Variants in TJP2 observed in about 807,000 individuals in gnomAD.
TJP2 encodes tight junction protein 2.
A neutral mutation model predicts 133.1 loss-of-function variants in TJP2; 91 were observed. That is an observed-to-expected ratio of 0.68 (90% CI 0.58 to 0.81). The LOEUF is 0.81. Ranked by LOEUF, TJP2 falls within the 40% of genes least tolerant of loss-of-function variation. The pLI is 0.00. For missense variants in TJP2, 1,541 were observed against 1,565.6 expected (o/e 0.98, Z 0.26); for synonymous variants, 592 against 583.4 (o/e 1.01, Z -0.21).
chr9:69,123,394 C>T (rs1822234102), intron 1 of TJP2, among the ~76,000 whole-genome samples: 1 of 76,742 alleles, frequency 1.3e-5, no homozygotes, highest in African/African-American at 4.0e-5. Flanking sequence ...ATTTCCAGAA[C>T]TTTTTCATCA....
At chr9:69,214,437 C>T (rs552397986) in intron 2 of TJP2, among the ~76,000 whole-genome samples, 1 of 152,164 alleles carries the variant, frequency 6.6e-6, no homozygotes, top group East Asian at 1.9e-4. Flanking sequence ...ATTATCTATG[C>T]TCACCATTGT....
At chr9:69,201,210 AATCTTTG>A (rs1826964861) in intron 1 of TJP2, among the ~76,000 whole-genome samples, 1 of 152,158 alleles carries the variant, frequency 6.6e-6, no homozygotes, top group Admixed American at 6.5e-5. Context: ...GGAAGCTAGG[AATCTTTG>A]AGAAGGCACA....
intron 2 of TJP2, among the ~76,000 whole-genome samples, chr9:69,166,261 C>T (rs927339468): frequency 6.6e-6 from 1 of 152,074 alleles, no homozygotes; most frequent in African/African-American, 2.4e-5. Context: ...CAGGTGTGTA[C>T]CACCAGGCCT....
intron 17 of TJP2, among the ~76,000 whole-genome samples, chr9:69,245,514 T>C (rs1012638396): frequency 1.6e-4 from 25 of 152,238 alleles, no homozygotes; most frequent in Non-Finnish European, 3.4e-4. Context: ...ACATATGTTG[T>C]ACTTTGTTGG....
intron 2 of TJP2, among the ~76,000 whole-genome samples, chr9:69,168,921 G>C (rs1448230252): frequency 6.6e-6 from 1 of 151,088 alleles, no homozygotes; most frequent in Non-Finnish European, 1.5e-5. Context: ...ATTGAGTGGG[G>C]TGATTATTGT....
rs751284184 is a variant in TJP2, at chr9:69,249,365, T to C, written c.2881-10T>C. The C allele has an allele frequency of 5.0e-6, 8 of 1,602,204 alleles. No homozygotes were observed. In the East Asian group the frequency reaches 1.6e-4, roughly 31 times the overall value. On this transcript the variant is annotated splice_polypyrimidine_tract_variant and intron_variant, in intron 19 of 22. Transcript: ENST00000377245. ...TGTTCTTGTTGTGAATGAACCTTTA[T>C]GTCTTGTAGAGCATAAGGAAACCCA...
intron 22 of TJP2, chr9:69,253,296 C>T: frequency 3.8e-6 from 1 of 263,070 alleles, no homozygotes; most frequent in African/African-American, 2.2e-5. Flanking sequence ...ACCGCTTGTG[C>T]TGCCCTGGGG....
intron 1 of TJP2, among the ~76,000 whole-genome samples, chr9:69,128,592 G>C (rs1034058196): frequency 6.7e-6 from 1 of 148,904 alleles, no homozygotes; most frequent in Non-Finnish European, 1.5e-5. Flanking sequence ...GAGTGATCTC[G>C]TTTCACTACA....
At position 69,237,151 on chromosome 9, in the gene TJP2, T is replaced by C. The variant is rs756656055; in HGVS notation, c.2179+15T>C. On this transcript the variant is annotated intron_variant, in intron 14 of 22. Transcript: ENST00000377245. The stretch of plus-strand genomic sequence containing the variant: ...GCTGCGAGAAGGTGAGGAAGTCACA[T>C]GGGGCCTGGAAATGAACTGACTGGG... The C allele has an allele frequency of 1.9e-6, 3 of 1,613,960 alleles. No individual in the cohort carries two copies. The Admixed American group carries it at 5.0e-5, about 27-fold the overall frequency.
intron 3 of TJP2, 57 bp downstream of exon 3, chr9:69,216,520 G>A (rs956657139): frequency 2.8e-5 from 44 of 1,591,890 alleles, no homozygotes; most frequent in Non-Finnish European, 3.4e-5. Context: ...GGCCCTAGAC[G>A]GGGTATTTTG....
chr9:69,213,161 T>G (rs767573367), intron 2 of TJP2, among the ~76,000 whole-genome samples: 1 of 150,142 alleles, frequency 6.7e-6, no homozygotes, highest in Non-Finnish European at 1.5e-5. Flanking sequence ...CCTCCCGGGT[T>G]CAAGCAATTT....
intron 1 of TJP2, among the ~76,000 whole-genome samples, chr9:69,131,089 A>G (rs10114342): frequency 0.46 from 69,194 of 152,028 alleles, 15,864 homozygotes; most frequent in East Asian, 0.61. Context: ...AGTCCCAGGG[A>G]TCATGACTAA....
At chr9:69,173,910 C>T (rs1824840589), upstream of TJP2, 1 of 978,506 alleles carries the variant, frequency 1.0e-6, no homozygotes, top group African/African-American at 1.8e-5. Flanking sequence ...CGGAGCGGGA[C>T]CTGCTTGCTC....
At chr9:69,232,923 TG>T in intron 11 of TJP2, among the ~76,000 whole-genome samples, 1 of 152,250 alleles carries the variant, frequency 6.6e-6, no homozygotes, top group East Asian at 1.9e-4. Flanking sequence ...GTTAATCTCT[TG>T]TGGCCAGAGA....
intron 1 of TJP2, among the ~76,000 whole-genome samples, chr9:69,138,994 A>C (rs969717738): frequency 6.6e-6 from 1 of 152,100 alleles, no homozygotes; most frequent in Non-Finnish European, 1.5e-5. Context: ...CAGGCAGATC[A>C]CCTGAGGTCA....
At chr9:69,153,036 C>T (rs759949074) in intron 2 of TJP2, among the ~76,000 whole-genome samples, 1 of 150,954 alleles carries the variant, frequency 6.6e-6, no homozygotes, top group Non-Finnish European at 1.5e-5. Context: ...CCAGCCTAGG[C>T]AACATAGTGA....
rs1291448234 is a variant in TJP2 at position 69,229,167 on chromosome 9, T to C, written c.1454-17T>C. On this transcript the variant is annotated splice_polypyrimidine_tract_variant and intron_variant, in intron 9 of 22. Coordinates refer to ENST00000377245, the MANE Select transcript of TJP2 (RefSeq NM_004817.4). ...GTTAGTCCAGATTGATAACAGTAGA[T>C]GTTTCTTAACCTACAGCTCCTCAAC... The C allele has an allele frequency of 6.2e-7, 1 of 1,612,692 alleles. No homozygotes were observed. Among genetic ancestry groups the C allele is most frequent in the Non-Finnish European group, 8.5e-7 (1 of 1,178,796 alleles).
At chr9:69,248,413 GT>G in intron 19 of TJP2, 189 bp downstream of exon 19, 1 of 1,433,890 alleles carries the variant, frequency 7.0e-7, no homozygotes, top group Non-Finnish European at 9.2e-7. Context: ...GGGCAGGCAG[GT>G]GGACTTCAGA....
rs1289621722 is a variant in TJP2, at chr9:69,124,045, T to A, written c.-131+2320T>A. Reference sequence around the variant, plus strand: ...ACCACGCCCGGCTAATTTTTTTGAATTTTTTTTCTTTTTTTTAGTAGAGAC... The same window carrying A: ...ACCACGCCCGGCTAATTTTTTTGAAATTTTTTTCTTTTTTTTAGTAGAGAC... On this transcript the variant is annotated intron_variant, in intron 1 of 5. Coordinates refer to the TJP2 transcript ENST00000423935. 1.1e-4 allele frequency among the ~76,000 whole-genome samples: 8 copies of A among 73,122 alleles called. 2 individuals carry two copies. The highest frequency in any genetic ancestry group is 3.4e-4 in the African/African-American group (8 of 23,728). The allele number at this position is 73,122 out of a possible 152,430, so 48.0% of individuals were successfully genotyped here. A position where few individuals can be genotyped will look rare whatever the true frequency, so the allele number is the denominator to read the frequency against.
Sources: allele counts gnomAD v4.1 joint callset (sites outside exome capture counted in the v4.1 genomes callset), GRCh38; gene constraint gnomAD v4.1.1; transcripts MANE v1.5; gene names NCBI Gene and HGNC (gene_info 2026-07-23, HGNC 2026-07-21).